PCBP3: variants seen among roughly 807,000 people sequenced by gnomAD.
The protein encoded by PCBP3 is poly(rC) binding protein 3.
A neutral mutation model predicts 52.7 loss-of-function variants in PCBP3; 25 were observed. The ratio of observed to expected loss-of-function variants is 0.47; its 90% CI spans 0.35 to 0.66. The LOEUF is 0.66. Among genes scored for constraint, PCBP3 ranks in the 30% least tolerant of loss-of-function variants. PCBP3 has a pLI of 0.01. For missense variants in PCBP3, 391 were observed against 490.3 expected (o/e 0.80, Z 1.91); for synonymous variants, 162 against 183.0 (o/e 0.89, Z 0.93).
At chr21:45,941,256 G>A (rs914691893) in intron 17 of PCBP3, among the ~76,000 whole-genome samples, 2 of 152,130 alleles carry the variant, frequency 1.3e-5, no homozygotes, top group African/African-American at 4.8e-5. Flanking sequence ...CTGCCAGACC[G>A]CATTACTGAC....
At chr21:45,815,972 A>ATGAGTGGTGAGTGGTGAG (rs1310141867) in intron 4 of PCBP3, among the ~76,000 whole-genome samples, 16 of 39,296 alleles carry the variant, frequency 4.1e-4, no homozygotes, top group East Asian at 9.7e-4. Flanking sequence ...GTAGTGAGTG[A>ATGAGTGGTGAGTGGTGAG]TGAGTGGTGA....
At chr21:45,842,648 A>G (rs962082573) in intron 4 of PCBP3, among the ~76,000 whole-genome samples, 5 of 152,152 alleles carry the variant, frequency 3.3e-5, no homozygotes, top group African/African-American at 1.2e-4. Context: ...TTATGTTATG[A>G]TAGTCTGAAT....
At chr21:45,866,357 T>C (rs2094723956) in intron 5 of PCBP3, among the ~76,000 whole-genome samples, 1 of 152,174 alleles carries the variant, frequency 6.6e-6, no homozygotes, top group Non-Finnish European at 1.5e-5. Context: ...AGGCCAGGGT[T>C]CTTATCGCAA....
intron 5 of PCBP3, among the ~76,000 whole-genome samples, chr21:45,884,010 T>A (rs2095461249): frequency 6.6e-6 from 1 of 152,198 alleles, no homozygotes; most frequent in Admixed American, 6.5e-5. Flanking sequence ...TGATCATGGC[T>A]CACTGCAGCC....
intron 2 of PCBP3, among the ~76,000 whole-genome samples, chr21:45,714,390 G>A (rs192318061): frequency 3.9e-5 from 6 of 152,184 alleles, no homozygotes; most frequent in Admixed American, 1.3e-4. Context: ...TGGGTTCTAC[G>A]TCTCTTAACC....
At chr21:45,843,442 A>T (rs1461849924) in intron 4 of PCBP3, among the ~76,000 whole-genome samples, 2 of 151,676 alleles carry the variant, frequency 1.3e-5, no homozygotes, top group Non-Finnish European at 2.9e-5. Context: ...TTACCTTTCC[A>T]CTTTCTGTGG....
intron 4 of PCBP3, among the ~76,000 whole-genome samples, chr21:45,822,661 T>C (rs114164959): frequency 4.5e-4 from 62 of 137,714 alleles, no homozygotes; most frequent in African/African-American, 2.0e-3. Context: ...GTTAGGAGAG[T>C]GAGGGGCGGA....
At chr21:45,888,926 C>T (rs1403695159) in intron 5 of PCBP3, among the ~76,000 whole-genome samples, 2 of 151,994 alleles carry the variant, frequency 1.3e-5, no homozygotes, top group East Asian at 1.9e-4. Flanking sequence ...GTAAGGTTTG[C>T]ACATTAAACA....
intron 2 of PCBP3, among the ~76,000 whole-genome samples, chr21:45,734,770 G>A (rs1170827403): frequency 6.6e-6 from 1 of 152,158 alleles, no homozygotes; most frequent in Non-Finnish European, 1.5e-5. Context: ...CATATCTTTT[G>A]TCTGACTTTT....
intron 3 of PCBP3, among the ~76,000 whole-genome samples, 41 bp from the exon 4 acceptor site, chr21:45,755,376 G>A (rs1398281307): frequency 1.3e-5 from 2 of 152,140 alleles, no homozygotes; most frequent in Non-Finnish European, 1.5e-5. Context: ...AAACTTTCTT[G>A]TACCGGTCTT....
At chr21:45,938,376 A>G (rs557908863) in intron 16 of PCBP3, among the ~76,000 whole-genome samples, 10 of 152,338 alleles carry the variant, frequency 6.6e-5, no homozygotes, top group African/African-American at 2.2e-4. Context: ...GGCATCTTAC[A>G]GGGACCTGTG....
At chr21:45,844,018 C>T (rs2093753206) in intron 4 of PCBP3, among the ~76,000 whole-genome samples, 1 of 152,086 alleles carries the variant, frequency 6.6e-6, no homozygotes, top group Admixed American at 6.5e-5. Flanking sequence ...GACCTCTGAC[C>T]TCACTGCTCC....
intron 4 of PCBP3, chr21:45,828,029 C>T (rs2093350848): frequency 6.6e-6 from 1 of 152,296 alleles, no homozygotes; most frequent in Non-Finnish European, 1.5e-5. Context: ...TCAACCCCTT[C>T]CCAAGCAACT....
intron 1 of PCBP3, among the ~76,000 whole-genome samples, chr21:45,647,290 A>G (rs2079379842): frequency 6.6e-6 from 1 of 152,246 alleles, no homozygotes; most frequent in Non-Finnish European, 1.5e-5. Context: ...AGCTTCAGAA[A>G]TACTCCCTGA....
At chr21:45,865,809 C>T (rs947069514) in intron 5 of PCBP3, among the ~76,000 whole-genome samples, 3 of 152,202 alleles carry the variant, frequency 2.0e-5, no homozygotes, top group Admixed American at 1.3e-4. Context: ...GCCAGGACCT[C>T]GGCAGGGCAG....
Position 45,800,323 on chromosome 21 carries a change from G to A in PCBP3, c.-126+44871G>A, listed in dbSNP as rs1044035595. The stretch of plus-strand genomic sequence containing the variant: ...CCCCTCGCACAGCCCAGCAGGATGT[G>A]GGAGCAAGCCTGTGCGCCCTGAGCC... On this transcript the variant is annotated intron_variant, in intron 4 of 17. Transcript: ENST00000681687. The surrounding 1 kb of genome is among the most constrained non-coding windows in gnomAD (Gnocchi z 5.3). Among the ~76,000 whole-genome samples, 1 of 152,296 alleles carries A rather than the reference G, an allele frequency of 6.6e-6. No homozygotes were observed. Among genetic ancestry groups the A allele is most frequent in the East Asian group, 1.9e-4 (1 of 5,174 alleles).
intron 15 of PCBP3, among the ~76,000 whole-genome samples, chr21:45,933,101 C>CA (rs2076486359): frequency 6.7e-6 from 1 of 150,192 alleles, no homozygotes; most frequent in African/African-American, 2.5e-5. Context: ...ATGAACACAT[C>CA]GGCCATGCCA....
At chr21:45,753,273 T>C (rs923054242) in intron 3 of PCBP3, among the ~76,000 whole-genome samples, 1 of 152,066 alleles carries the variant, frequency 6.6e-6, no homozygotes, top group African/African-American at 2.4e-5. Context: ...TGCTCTTAGG[T>C]CTACGTAAGT....
chr21:45,756,347 C>G (rs1301798861), intron 4 of PCBP3, among the ~76,000 whole-genome samples: 1 of 152,144 alleles, frequency 6.6e-6, no homozygotes, highest in African/African-American at 2.4e-5. Context: ...TATAATAAGT[C>G]TTGAAATCAG....
Sources: allele counts gnomAD v4.1 joint callset (sites outside exome capture counted in the v4.1 genomes callset), GRCh38; gene constraint gnomAD v4.1.1; non-coding constraint Gnocchi (gnomAD v3.1); transcripts MANE v1.5; gene names NCBI Gene and HGNC (gene_info 2026-07-23, HGNC 2026-07-21).